CACNA2D3: variants seen among roughly 807,000 people sequenced by gnomAD.
CACNA2D3 encodes the protein voltage-dependent calcium channel subunit alpha-2/delta-3.
A neutral mutation model predicts 160.6 loss-of-function variants in CACNA2D3; 60 were observed. That is an observed-to-expected ratio of 0.37 (90% CI 0.30 to 0.46). The LOEUF (loss-of-function observed/expected upper bound fraction) is 0.46, where lower values mean the gene tolerates loss of function less well. Ranked by LOEUF, CACNA2D3 falls within the 20% of genes least tolerant of loss-of-function variation. The pLI is 1.00. For synonymous variants in CACNA2D3, 558 were observed against 492.9 expected (o/e 1.13, Z -1.75); for missense variants, 1,205 against 1,365.0 (o/e 0.88, Z 1.85).
At chr3:54,149,322 C>T (rs1700097802) in intron 2 of CACNA2D3, among the ~76,000 whole-genome samples, 1 of 150,322 alleles carries the variant, frequency 6.7e-6, no homozygotes, top group Non-Finnish European at 1.5e-5. Flanking sequence ...CCTCAGCTTG[C>T]ATAAATCTAT....
chr3:54,848,826 C>G (rs71303704), intron 17 of CACNA2D3, among the ~76,000 whole-genome samples: 15,768 of 152,190 alleles, frequency 0.1, 871 homozygotes, highest in South Asian at 0.21. Context: ...GCAATCCTGC[C>G]ATAACCATAG....
At chr3:54,221,854 AAAAT>A (rs1475811949) in intron 2 of CACNA2D3, among the ~76,000 whole-genome samples, 2 of 151,888 alleles carry the variant, frequency 1.3e-5, no homozygotes, top group African/African-American at 2.4e-5. Context: ...TTTCTGAAAA[AAAAT>A]ATTTTTTTGA....
At chr3:54,928,801 C>A (rs999463061) in intron 27 of CACNA2D3, among the ~76,000 whole-genome samples, 2 of 150,670 alleles carry the variant, frequency 1.3e-5, no homozygotes, top group Admixed American at 1.3e-4. Flanking sequence ...ATGCTGAGGT[C>A]CTGGCCCTTC....
At chr3:54,820,161 T>C (rs534406361) in intron 14 of CACNA2D3, among the ~76,000 whole-genome samples, 2 of 152,304 alleles carry the variant, frequency 1.3e-5, no homozygotes, top group Non-Finnish European at 2.9e-5. Flanking sequence ...CCATATGGTG[T>C]CTGCATTTGC....
At chr3:54,598,307 C>CAAAA (rs10656534) in intron 9 of CACNA2D3, among the ~76,000 whole-genome samples, 11,288 of 48,500 alleles carry the variant, frequency 0.23, 2,045 homozygotes, top group East Asian at 0.45. Context: ...CTCCGTCTCA[C>CAAAA]AAAAAAAAAA....
At position 54,985,958 on chromosome 3, in the gene CACNA2D3, A is replaced by T. The variant is rs145391016; in HGVS notation, c.2619+1288A>T. ...GGACAGTCCGTGGACATTAGATAGG[A>T]TGAATGGGCCCATGAAACAAGGCCA... On this transcript the variant is annotated intron_variant, in intron 30 of 37. Coordinates refer to ENST00000474759, the MANE Select transcript of CACNA2D3 (RefSeq NM_018398.3). 8.1e-4 allele frequency among the ~76,000 whole-genome samples: 124 copies of T among 152,270 alleles called. 3 individuals carry two copies. The highest frequency in any genetic ancestry group is 5.4e-3 in the East Asian group (28 of 5,180).
chr3:54,876,632 G>A (rs1424725652), intron 18 of CACNA2D3, among the ~76,000 whole-genome samples: 1 of 152,258 alleles, frequency 6.6e-6, no homozygotes, highest in East Asian at 1.9e-4. Flanking sequence ...TTGGGAAGCA[G>A]AGGTTAAGAG....
intron 13 of CACNA2D3, among the ~76,000 whole-genome samples, chr3:54,772,641 A>G (rs1272608847): frequency 6.6e-6 from 1 of 152,172 alleles, no homozygotes; most frequent in Non-Finnish European, 1.5e-5. Context: ...TGTTAACAAC[A>G]TTAATTATGT....
rs189324711 is a variant in CACNA2D3, at chr3:54,393,124, A to T, written c.381+6350A>T. ...AGAAGGGAAGCGCCTTGCTTCTGCT[A>T]CCCCATCCCCAAGGTGGGGTCAGTT... On this transcript the variant is annotated intron_variant, in intron 4 of 37. Coordinates refer to ENST00000474759, the MANE Select transcript of CACNA2D3 (RefSeq NM_018398.3). Among the ~76,000 whole-genome samples the T allele has an allele frequency of 1.8e-3, 270 of 152,292 alleles. 1 individual carries two copies. Among genetic ancestry groups the T allele is most frequent in the African/African-American group, 6.2e-3 (259 of 41,568 alleles).
chr3:54,822,563 G>C (rs1703629007), intron 14 of CACNA2D3, among the ~76,000 whole-genome samples: 1 of 152,108 alleles, frequency 6.6e-6, no homozygotes, highest in Non-Finnish European at 1.5e-5. Flanking sequence ...TGCACTTGAG[G>C]CCTGAAATAA....
At chr3:55,041,250 G>A (rs1293912606) in intron 35 of CACNA2D3, among the ~76,000 whole-genome samples, 2 of 152,280 alleles carry the variant, frequency 1.3e-5, no homozygotes, top group Middle Eastern at 3.4e-3. Flanking sequence ...CTTAATGCAT[G>A]TATAATTTAA....
intron 27 of CACNA2D3, among the ~76,000 whole-genome samples, chr3:54,909,149 C>A (rs1488192631): frequency 6.6e-6 from 1 of 152,158 alleles, no homozygotes; most frequent in Non-Finnish European, 1.5e-5. Context: ...AAATTCCAAT[C>A]AAAGATCCTA....
chr3:54,853,475 A>G (rs1699104635), intron 17 of CACNA2D3, among the ~76,000 whole-genome samples: 1 of 152,164 alleles, frequency 6.6e-6, no homozygotes, highest in Admixed American at 6.5e-5. Context: ...CAGAAACAGA[A>G]ATGTGGTTGG....
chr3:55,059,933 C>T (rs1351533499), intron 35 of CACNA2D3, among the ~76,000 whole-genome samples: 1 of 152,028 alleles, frequency 6.6e-6, no homozygotes, highest in Non-Finnish European at 1.5e-5. Flanking sequence ...GGCTGCTCTT[C>T]TGTTTATCTG....
intron 2 of CACNA2D3, among the ~76,000 whole-genome samples, chr3:54,174,296 C>T (rs574954608): frequency 6.6e-6 from 1 of 152,254 alleles, no homozygotes; most frequent in Non-Finnish European, 1.5e-5. Flanking sequence ...TGTTAAAAGC[C>T]AGCCATCCAT....
intron 5 of CACNA2D3, among the ~76,000 whole-genome samples, chr3:54,504,177 T>G (rs1367843635): frequency 1.3e-5 from 2 of 152,186 alleles, no homozygotes; most frequent in Admixed American, 1.3e-4. Flanking sequence ...CTGGGGTCTT[T>G]TCTTAGAGTA....
At chr3:54,304,839 A>G (rs1703560613) in intron 2 of CACNA2D3, among the ~76,000 whole-genome samples, 1 of 152,192 alleles carries the variant, frequency 6.6e-6, no homozygotes, top group Non-Finnish European at 1.5e-5. Context: ...AACTGGAAAA[A>G]GTCATCCAAA....
chr3:54,383,136 C>A (rs1247089165), intron 3 of CACNA2D3, among the ~76,000 whole-genome samples: 1 of 152,178 alleles, frequency 6.6e-6, no homozygotes, highest in Non-Finnish European at 1.5e-5. Flanking sequence ...CACACCCAGC[C>A]TGTTTTAGGT....
At chr3:54,520,162 A>G (rs545616709) in intron 5 of CACNA2D3, among the ~76,000 whole-genome samples, 1 of 152,358 alleles carries the variant, frequency 6.6e-6, no homozygotes, top group East Asian at 1.9e-4. Flanking sequence ...TTACATGTGC[A>G]AAGGCTGATA....
Sources: gnomAD v4.1 joint callset for allele counts (sites outside exome capture counted in the v4.1 genomes callset) on GRCh38, gnomAD v4.1.1 for gene constraint, MANE v1.5 for transcripts, NCBI Gene and HGNC (gene_info 2026-07-23, HGNC 2026-07-21) for gene names.